Variants in RANBP2 observed in about 807,000 individuals in gnomAD.
RANBP2 encodes RAN binding protein 2, also known as E3 SUMO-protein ligase RanBP2.
A neutral mutation model predicts 303.6 loss-of-function variants in RANBP2; 57 were observed. The observed-to-expected ratio is 0.19, with a 90% CI of 0.15 to 0.23. RANBP2 has a LOEUF of 0.23. Ranked by LOEUF, RANBP2 falls within the 10% of genes least tolerant of loss-of-function variation. The pLI is 1.00. For synonymous variants in RANBP2, 1,167 were observed against 1,301.5 expected (o/e 0.90, Z 2.23); for missense variants, 3,138 against 3,780.8 (o/e 0.83, Z 4.46).
the RANBP2 span, among the ~76,000 whole-genome samples, chr2:108,973,620 C>T: frequency 4.6e-5 from 7 of 152,196 alleles, no homozygotes; most frequent in South Asian, 2.1e-4. Flanking sequence ...TGGCTGCCTC[C>T]GGAAGAACAG....
the RANBP2 span, among the ~76,000 whole-genome samples, chr2:109,066,872 C>T: frequency 6.6e-6 from 1 of 152,084 alleles, no homozygotes; most frequent in South Asian, 2.1e-4. Flanking sequence ...CCAAGAACCC[C>T]CCAGGAATAA....
rs1676982660 is a variant in RANBP2, at chr2:108,764,647, A to G, written c.4108A>G (p.Lys1370Glu). The G allele has an allele frequency of 6.2e-7, 1 of 1,613,960 alleles. No individual in the cohort carries two copies. Among genetic ancestry groups the G allele is most frequent in the African/African-American group, 1.3e-5 (1 of 74,924 alleles). The change falls in exon 20 of 29, where the codon AAG becomes GAG. Residue 1370 changes from lysine to glutamate, a missense_variant. Around this residue, in one of 20 missense-constraint regions of RANBP2, gnomAD observed 388 missense variants for 328.5 expected, o/e 1.18. Transcript: ENST00000283195. ...SCSLKNASTAKKCVSCQNLNP... is the reference protein window; with the variant it reads ...SCSLKNASTAEKCVSCQNLNP... ...CTCATTAAAGAATGCTTCAACTGCT[A>G]AGAAATGTGTATCATGCCAAAATCT... is the stretch of plus-strand genomic sequence containing the variant.
At chr2:109,641,296 G>T in the RANBP2 span, among the ~76,000 whole-genome samples, 1 of 152,114 alleles carries the variant, frequency 6.6e-6, no homozygotes, top group Non-Finnish European at 1.5e-5. Flanking sequence ...ACACCAGCAT[G>T]CCCATTCATA....
the RANBP2 span, chr2:109,614,134 C>T: frequency 8.3e-7 from 1 of 1,204,156 alleles, no homozygotes. Context: ...AGCTGGGACT[C>T]CAGGAAGACG....
At chr2:109,048,729 C>T in the RANBP2 span, among the ~76,000 whole-genome samples, 73 of 152,308 alleles carry the variant, frequency 4.8e-4, no homozygotes, top group African/African-American at 1.4e-3. Context: ...TGACAGCCTC[C>T]TCCTAAAGTA....
the RANBP2 span, among the ~76,000 whole-genome samples, chr2:109,020,494 T>C: frequency 2.6e-5 from 4 of 152,340 alleles, no homozygotes; most frequent in South Asian, 6.2e-4. Flanking sequence ...GAGTTGCAGA[T>C]TCCAACGTGA....
the RANBP2 span, chr2:108,873,365 G>A: frequency 2.6e-6 from 3 of 1,135,650 alleles, no homozygotes. Flanking sequence ...ATTTATAAAT[G>A]CCTCACATAG....
chr2:109,594,234 T>C, the RANBP2 span, among the ~76,000 whole-genome samples: 1 of 151,566 alleles, frequency 6.6e-6, no homozygotes, highest in Non-Finnish European at 1.5e-5. Context: ...TGAGGAAATG[T>C]CACATTATTT....
At chr2:109,286,829 T>A in the RANBP2 span, among the ~76,000 whole-genome samples, 7 of 152,360 alleles carry the variant, frequency 4.6e-5, no homozygotes, top group African/African-American at 1.4e-4. Context: ...GTAGCCATTC[T>A]ACCTTTCCCA....
the RANBP2 span, among the ~76,000 whole-genome samples, chr2:109,351,469 ACT>A: frequency 6.6e-6 from 1 of 152,174 alleles, no homozygotes; most frequent in African/African-American, 2.4e-5. Context: ...TGAGCAGCTA[ACT>A]CTATATTGTC....
At chr2:108,804,561 T>G in the RANBP2 span, among the ~76,000 whole-genome samples, 1 of 152,224 alleles carries the variant, frequency 6.6e-6, no homozygotes, top group Non-Finnish European at 1.5e-5. Context: ...ACTGTTTTAT[T>G]ATTCCATGAT....
rs1678362800 is a variant in RANBP2 at position 108,783,011 on chromosome 2, A to T, written c.9369+149A>T. On this transcript the variant is annotated intron_variant, in intron 28 of 28. Coordinates refer to ENST00000283195, the MANE Select transcript of RANBP2 (RefSeq NM_006267.5). Reference sequence around the variant, plus strand: ...ACACATGGAATCACATGGCATCACTACCCATTCCCTGCTCCTGCCTAAAAC... The same window carrying T: ...ACACATGGAATCACATGGCATCACTTCCCATTCCCTGCTCCTGCCTAAAAC... The T allele has an allele frequency of 1.2e-5, 9 of 724,544 alleles. No homozygotes were observed. The East Asian group carries it at 2.4e-4, about 19-fold the overall frequency. The allele number at this position is 724,544 out of a possible 1,614,324, so 44.9% of individuals were successfully genotyped here.
the RANBP2 span, among the ~76,000 whole-genome samples, chr2:108,806,166 A>G: frequency 4.6e-5 from 7 of 152,186 alleles, no homozygotes; most frequent in African/African-American, 7.2e-5. Context: ...TATGGCTGTT[A>G]CTATTAGACT....
At chr2:109,492,962 C>T in the RANBP2 span, among the ~76,000 whole-genome samples, 1 of 151,958 alleles carries the variant, frequency 6.6e-6, no homozygotes, top group African/African-American at 2.4e-5. Flanking sequence ...GGGCCCCAGG[C>T]CCTTGGGGGA....
At chr2:109,103,969 A>AT in the RANBP2 span, among the ~76,000 whole-genome samples, 1 of 151,360 alleles carries the variant, frequency 6.6e-6, no homozygotes, top group Non-Finnish European at 1.5e-5. Context: ...GATTTTTTGT[A>AT]TTTTTTAGTA....
chr2:109,256,904 A>G, the RANBP2 span, among the ~76,000 whole-genome samples: 3 of 152,036 alleles, frequency 2.0e-5, no homozygotes, highest in Non-Finnish European at 4.4e-5. Flanking sequence ...TGGCATTTTT[A>G]TGTGTTTTTC....
At chr2:108,873,181 C>T in the RANBP2 span, among the ~76,000 whole-genome samples, 2 of 152,032 alleles carry the variant, frequency 1.3e-5, no homozygotes, top group African/African-American at 4.8e-5. Flanking sequence ...AGCTTTCCTC[C>T]TTTCTTTCAA....
chr2:109,221,581 C>CAAAA, the RANBP2 span, among the ~76,000 whole-genome samples: 6 of 63,326 alleles, frequency 9.5e-5, no homozygotes, highest in Non-Finnish European at 2.0e-4. Flanking sequence ...GACTCCATCT[C>CAAAA]AAAAAAAAAA....
chr2:109,597,731 A>C, the RANBP2 span, among the ~76,000 whole-genome samples: 1 of 152,204 alleles, frequency 6.6e-6, no homozygotes. Context: ...ATACTTTTTA[A>C]AAAGTTGTAT....
Sources: gnomAD v4.1 joint callset for allele counts (sites outside exome capture counted in the v4.1 genomes callset) on GRCh38, gnomAD v4.1.1 for gene constraint, gnomAD v4.1.1 regional missense constraint, MANE v1.5 for transcripts, NCBI Gene and HGNC (gene_info 2026-07-23, HGNC 2026-07-21) for gene names.